UNKL: variants seen among roughly 807,000 people sequenced by gnomAD.
The protein encoded by UNKL is unk like zinc finger, also known as putative E3 ubiquitin-protein ligase UNKL.
A neutral mutation model predicts 78.0 loss-of-function variants in UNKL; 60 were observed. That is an observed-to-expected ratio of 0.77 (90% CI 0.63 to 0.95). The LOEUF (loss-of-function observed/expected upper bound fraction) is 0.95. Ranked by LOEUF, UNKL falls within the 40% of genes least tolerant of loss-of-function variation. The pLI, the probability that UNKL is intolerant of heterozygous loss-of-function variation, is 0.00. For missense variants in UNKL, 1,159 were observed against 1,045.7 expected (o/e 1.11, Z -1.49); for synonymous variants, 608 against 474.8 (o/e 1.28, Z -3.65).
chr16:1,391,239 TACACACACACACAC>T (rs142620901), intron 8 of UNKL, among the ~76,000 whole-genome samples: 35 of 10,358 alleles, frequency 3.4e-3, no homozygotes, highest in East Asian at 0.022. Flanking sequence ...CCCTTAAAGA[TACACACACACACAC>T]ACACACACAC....
At chr16:1,406,493 G>A (rs1250095641) in intron 2 of UNKL, among the ~76,000 whole-genome samples, 4 of 152,110 alleles carry the variant, frequency 2.6e-5, no homozygotes, top group Admixed American at 1.3e-4. Flanking sequence ...GATTACAGGC[G>A]TGAGCCACCG....
chr16:1,391,698 T>A (rs944740739), intron 8 of UNKL, among the ~76,000 whole-genome samples: 2 of 152,020 alleles, frequency 1.3e-5, no homozygotes, highest in African/African-American at 4.8e-5. Context: ...TCTTTTCATT[T>A]TTTTTCTGAG....
chr16:1,399,096 C>T lies in UNKL; in HGVS notation c.734+278G>A, dbSNP rs2037401563. The T allele has an allele frequency of 3.2e-6, 4 of 1,247,718 alleles. No homozygotes were observed. Among genetic ancestry groups the T allele is most frequent in the Non-Finnish European group, 4.3e-6 (4 of 930,160 alleles). The allele number at this position is 1,247,718 out of a possible 1,614,324, so 77.3% of individuals were successfully genotyped here. A position where few individuals can be genotyped will look rare whatever the true frequency, so the allele number is the denominator to read the frequency against. ...GGTCCCAGCTGGGCTTGGGGTCCCTCCTGCAGTGCTCCGTCCCCTTGCCTG... is the reference window on the plus strand; with the variant it reads ...GGTCCCAGCTGGGCTTGGGGTCCCTTCTGCAGTGCTCCGTCCCCTTGCCTG... On this transcript the variant is annotated intron_variant, in intron 5 of 14. Coordinates refer to ENST00000389221, the MANE Select transcript of UNKL (RefSeq NM_001372107.1). The surrounding 1 kb of genome is among the most constrained non-coding windows in gnomAD (Gnocchi z 5.8).
At chr16:1,367,008 C>T (rs1296261390) in intron 14 of UNKL, 84 bp downstream of exon 14, 1 of 1,441,146 alleles carries the variant, frequency 6.9e-7, no homozygotes, top group South Asian at 1.5e-5. Context: ...GAAGGGGACA[C>T]CGCACCAGCC....
rs1249364728 is a variant in UNKL at position 1,370,123 on chromosome 16, C to T, written c.1585+7G>A. 5.2e-6 allele frequency: 8 copies of T among 1,534,332 alleles called. No homozygotes were observed. The highest frequency in any genetic ancestry group is 2.7e-5 in the African/African-American group (2 of 72,788). On this transcript the variant is annotated splice_region_variant and intron_variant, in intron 12 of 14. Transcript: ENST00000389221. Reference sequence around the variant, plus strand: ...GCAACGCCAGCATGGAGGGAGCCGGCACTCACCTAGGGGGCTGTAGGATGA... The same window carrying T: ...GCAACGCCAGCATGGAGGGAGCCGGTACTCACCTAGGGGGCTGTAGGATGA...
chr16:1,364,231 C>T lies in UNKL; in HGVS notation c.*2009G>A, dbSNP rs576285016. On this transcript the variant is annotated 3_prime_UTR_variant, in exon 15 of 15. Transcript: ENST00000389221. ...TAGTTACCTTGGAGTAGTGGACTAG[C>T]TGCAGAATGTCACGGACCCACTTCC... 6.6e-6 allele frequency: 1 copy of T among 152,238 alleles called. No homozygotes were observed. Among genetic ancestry groups the T allele is most frequent in the East Asian group, 1.9e-4 (1 of 5,206 alleles). The allele number at this position is 152,238 out of a possible 1,614,324, so 9.4% of individuals were successfully genotyped here.
intron 10 of UNKL, among the ~76,000 whole-genome samples, chr16:1,376,298 T>C (rs2036219287): frequency 7.3e-6 from 1 of 137,204 alleles, no homozygotes; most frequent in Non-Finnish European, 1.5e-5. Flanking sequence ...TCCTCCACTC[T>C]CCCTCCTCCC....
chr16:1,405,688 G>A (rs1414528854), intron 2 of UNKL, among the ~76,000 whole-genome samples: 1 of 152,064 alleles, frequency 6.6e-6, no homozygotes, highest in Non-Finnish European at 1.5e-5. Context: ...GCTCACGGAT[G>A]CCCAAGGAGG....
intron 10 of UNKL, among the ~76,000 whole-genome samples, chr16:1,382,546 C>G (rs2036640739): frequency 6.6e-6 from 1 of 152,200 alleles, no homozygotes; most frequent in Admixed American, 6.5e-5. Context: ...AGGGACTGGC[C>G]CTGGATTCTG....
rs149187331 is a variant in UNKL at position 1,394,405 on chromosome 16, G to C, written c.853-190C>G. On this transcript the variant is annotated intron_variant, in intron 6 of 14. Coordinates refer to ENST00000389221, the MANE Select transcript of UNKL (RefSeq NM_001372107.1). The stretch of plus-strand genomic sequence containing the variant: ...CCACATCCCTCCTCTCTGCAGAGCC[G>C]ACCCACAGGGAACACGCACACATGT... The C allele has an allele frequency of 3.0e-5, 22 of 723,292 alleles. No homozygotes were observed. In the African/African-American group the frequency reaches 3.1e-4, roughly 10 times the overall value. The allele number at this position is 723,292 out of a possible 1,614,324, so 44.8% of individuals were successfully genotyped here. A position where few individuals can be genotyped will look rare whatever the true frequency, so the allele number is the denominator to read the frequency against.
intron 2 of UNKL, among the ~76,000 whole-genome samples, chr16:1,408,178 C>T (rs1012930175): frequency 6.6e-6 from 1 of 152,140 alleles, no homozygotes; most frequent in South Asian, 2.1e-4. Context: ...ATTTCTTTAC[C>T]GCAATCTGTT....
chr16:1,406,138 G>C (rs1474127018), intron 2 of UNKL: 2 of 441,658 alleles, frequency 4.5e-6, no homozygotes, highest in African/African-American at 2.0e-5. Context: ...AGGCATAGGT[G>C]GGGGGCCCAG....
chr16:1,394,052 G>T, intron 7 of UNKL, 79 bp downstream of exon 7: 1 of 1,445,614 alleles, frequency 6.9e-7, no homozygotes, highest in Non-Finnish European at 9.5e-7. Context: ...GGCAGCTCCG[G>T]GTCATCGGTA....
rs904426179 is a variant in UNKL, at chr16:1,395,903, C to T, written c.852+1275G>A. The T allele has an allele frequency of 1.1e-4, 42 of 396,488 alleles. 1 individual carries two copies. The highest frequency in any genetic ancestry group is 4.4e-4 in the South Asian group (25 of 56,894). The allele number at this position is 396,488 out of a possible 1,614,324, so 24.6% of individuals were successfully genotyped here. A position where few individuals can be genotyped will look rare whatever the true frequency, so the allele number is the denominator to read the frequency against. ...TGAGTCAAGAAACGACGGGAAGCAGCGCCTGGTCCTTCCCAGCCCCTGCAC... is the reference window on the plus strand; with the variant it reads ...TGAGTCAAGAAACGACGGGAAGCAGTGCCTGGTCCTTCCCAGCCCCTGCAC... On this transcript the variant is annotated intron_variant, in intron 6 of 14. Transcript: ENST00000389221.
intron 10 of UNKL, among the ~76,000 whole-genome samples, chr16:1,374,294 G>GGCCCT (rs1388889974): frequency 6.6e-6 from 1 of 152,192 alleles, no homozygotes; most frequent in African/African-American, 2.4e-5. Context: ...TCTCCTGGGG[G>GGCCCT]GCCCTGCCCT....
intron 4 of UNKL, chr16:1,401,349 G>A (rs1265665261): frequency 2.1e-5 from 10 of 472,216 alleles, no homozygotes; most frequent in Non-Finnish European, 3.5e-5. Flanking sequence ...TTGCCGCAGA[G>A]ATTCAGAGCA....
chr16:1,369,133 A>G (rs1488337802), intron 12 of UNKL, among the ~76,000 whole-genome samples: 4 of 139,768 alleles, frequency 2.9e-5, no homozygotes, highest in African/African-American at 2.8e-5. Context: ...GCAGTGGCAC[A>G]ATCTCAGCTC....
rs766760073 is a variant in UNKL at position 1,414,671 on chromosome 16, C to G, written c.21G>C (p.Ala7=). 1.8e-5 allele frequency: 21 copies of G among 1,153,516 alleles called. No individual in the cohort carries two copies. The highest frequency in any genetic ancestry group is 1.1e-4 in the South Asian group (5 of 44,676). 71.5% of individuals were successfully genotyped at this position (1,153,516 alleles called of 1,614,324 possible). MPSVSK[A]AAAALSGSPP... is the part of the protein sequence containing the mutation. ...GGGACCCGCTCAGCGCCGCTGCCGC[C>G]GCTTTCGAAACCGACGGCATTTTCA... Residue 7 remains alanine (A), a synonymous_variant, in exon 1 of 15, where the codon GCG becomes GCC. Coordinates refer to ENST00000389221, the MANE Select transcript of UNKL (RefSeq NM_001372107.1).
At chr16:1,385,739 G>A (rs986702200) in intron 9 of UNKL, among the ~76,000 whole-genome samples, 9 of 152,236 alleles carry the variant, frequency 5.9e-5, no homozygotes, top group African/African-American at 1.4e-4. Context: ...GGGGCAAGCC[G>A]TGCAGCCTGC....
Sources: gnomAD v4.1 joint callset for allele counts (sites outside exome capture counted in the v4.1 genomes callset) on GRCh38, gnomAD v4.1.1 for gene constraint, Gnocchi (gnomAD v3.1) non-coding constraint, MANE v1.5 for transcripts, NCBI Gene and HGNC (gene_info 2026-07-23, HGNC 2026-07-21) for gene names.